The following RBFOX1 variants were observed in gnomAD, a reference collection of about 807,000 sequenced individuals.
RBFOX1 encodes the protein RNA binding protein fox-1 homolog 1.
A neutral mutation model predicts 57.7 loss-of-function variants in RBFOX1; 8 were observed. That is an observed-to-expected ratio of 0.14 (90% CI 0.08 to 0.25). The LOEUF (loss-of-function observed/expected upper bound fraction) is 0.25, where lower values mean the gene tolerates loss of function less well. RBFOX1 is among the 10% of genes least tolerant of loss of function. The pLI is 1.00. For synonymous variants in RBFOX1, 326 were observed against 222.4 expected (o/e 1.47, Z -4.15); for missense variants, 611 against 548.5 (o/e 1.11, Z -1.14).
intron 12 of RBFOX1, among the ~76,000 whole-genome samples, chr16:7,658,793 C>G (rs2066961455): frequency 6.6e-6 from 1 of 152,194 alleles, no homozygotes; most frequent in Non-Finnish European, 1.5e-5. Context: ...GGTACAATCT[C>G]TGCTCACTGC....
At chr16:7,486,770 C>G (rs1014240313) in intron 4 of RBFOX1, among the ~76,000 whole-genome samples, 3 of 152,190 alleles carry the variant, frequency 2.0e-5, no homozygotes, top group African/African-American at 7.2e-5. Context: ...CAGGCCGTTA[C>G]TAGGAGACAA....
chr16:5,815,245 C>T (rs749059784), intron 3 of RBFOX1, among the ~76,000 whole-genome samples: 6 of 147,028 alleles, frequency 4.1e-5, no homozygotes, highest in Non-Finnish European at 7.4e-5. Flanking sequence ...CCTCCTGTCT[C>T]AGCCTCCCAA....
chr16:6,726,496 C>A (rs771005678), intron 3 of RBFOX1, among the ~76,000 whole-genome samples: 1 of 151,404 alleles, frequency 6.6e-6, no homozygotes, highest in Non-Finnish European at 1.5e-5. Flanking sequence ...GTGGAACTAT[C>A]ACTAGATAAA....
Position 7,310,534 on chromosome 16 carries a change from G to T in RBFOX1, c.28-207613G>T, listed in dbSNP as rs150576534. On this transcript the variant is annotated intron_variant, in intron 4 of 15. Coordinates refer to ENST00000550418, the MANE Select transcript of RBFOX1 (RefSeq NM_018723.4). ...TGTTTTATCAAAACTTCATCAAGGGGCATACTTATTAACATGGAAATAATT... is the reference window on the plus strand; with the variant it reads ...TGTTTTATCAAAACTTCATCAAGGGTCATACTTATTAACATGGAAATAATT... Among the ~76,000 whole-genome samples, 416 of 152,184 alleles carry T rather than the reference G, an allele frequency of 2.7e-3. 13 individuals are homozygous for T. Among genetic ancestry groups the T allele is most frequent in the Admixed American group, 0.024 (372 of 15,290 alleles).
intron 4 of RBFOX1, among the ~76,000 whole-genome samples, chr16:7,073,084 T>C (rs747542581): frequency 3.3e-5 from 5 of 152,170 alleles, no homozygotes; most frequent in Non-Finnish European, 5.9e-5. Context: ...AGGTATTCAG[T>C]TGAGACTCCA....
chr16:6,182,135 C>G (rs914888501), intron 1 of RBFOX1, among the ~76,000 whole-genome samples: 1 of 152,142 alleles, frequency 6.6e-6, no homozygotes, highest in Admixed American at 6.5e-5. Context: ...GCCACTCATT[C>G]TTTGGAGATC....
At chr16:7,277,813 A>G (rs969832495) in intron 4 of RBFOX1, among the ~76,000 whole-genome samples, 10 of 152,202 alleles carry the variant, frequency 6.6e-5, no homozygotes, top group African/African-American at 2.4e-4. Context: ...AAATTAGCAT[A>G]TTAGTTAACA....
chr16:7,233,977 G>T (rs1203458164), intron 4 of RBFOX1, among the ~76,000 whole-genome samples: 3 of 152,174 alleles, frequency 2.0e-5, no homozygotes, highest in African/African-American at 4.8e-5. Flanking sequence ...AGAAGTGAAT[G>T]AGCTTAATTC....
intron 1 of RBFOX1, among the ~76,000 whole-genome samples, chr16:6,258,779 A>T (rs2097684201): frequency 6.6e-6 from 1 of 152,220 alleles, no homozygotes; most frequent in African/African-American, 2.4e-5. Flanking sequence ...TGTTTGCAAC[A>T]CAAGGGATGC....
chr16:6,694,326 T>C (rs1445927677), intron 3 of RBFOX1, among the ~76,000 whole-genome samples: 2 of 152,336 alleles, frequency 1.3e-5, no homozygotes, highest in South Asian at 4.1e-4. Context: ...TAAGAGATTA[T>C]CTGGCATTTG....
chr16:5,495,271 C>G (rs1176833094), intron 2 of RBFOX1, among the ~76,000 whole-genome samples: 1 of 152,218 alleles, frequency 6.6e-6, no homozygotes, highest in Non-Finnish European at 1.5e-5. Context: ...CCTAGCAAAA[C>G]TTTGGATACC....
intron 3 of RBFOX1, among the ~76,000 whole-genome samples, chr16:5,641,851 G>C (rs553836529): frequency 6.6e-6 from 1 of 152,192 alleles, no homozygotes; most frequent in Non-Finnish European, 1.5e-5. Flanking sequence ...TCACAGAGCA[G>C]GGGCCATTTG....
intron 3 of RBFOX1, among the ~76,000 whole-genome samples, chr16:6,698,465 C>T (rs2061366096): frequency 6.6e-6 from 1 of 152,178 alleles, no homozygotes; most frequent in Non-Finnish European, 1.5e-5. Flanking sequence ...GCAAATCAAT[C>T]CTGTCATTAT....
chr16:7,525,281 A>C (rs1852100721), intron 5 of RBFOX1, among the ~76,000 whole-genome samples: 1 of 152,096 alleles, frequency 6.6e-6, no homozygotes, highest in African/African-American at 2.4e-5. Flanking sequence ...TTAGGGGTTC[A>C]GTCATTATTT....
At chr16:6,293,572 G>T (rs560404322) in intron 1 of RBFOX1, among the ~76,000 whole-genome samples, 4 of 152,282 alleles carry the variant, frequency 2.6e-5, no homozygotes, top group Non-Finnish European at 5.9e-5. Flanking sequence ...AGAGGGGCAA[G>T]CAATAAACAT....
intron 1 of RBFOX1, among the ~76,000 whole-genome samples, chr16:5,290,414 G>C (rs1430239521): frequency 1.3e-5 from 2 of 152,114 alleles, no homozygotes; most frequent in African/African-American, 4.8e-5. Flanking sequence ...CCTGCTAATG[G>C]ATACAGGGTT....
intron 3 of RBFOX1, among the ~76,000 whole-genome samples, chr16:6,706,931 T>A (rs1264387466): frequency 3.3e-5 from 5 of 152,176 alleles, no homozygotes; most frequent in African/African-American, 1.2e-4. Context: ...ACAAGCTGTA[T>A]AGTCACTTAA....
At chr16:7,482,601 G>A (rs2064282100) in intron 4 of RBFOX1, among the ~76,000 whole-genome samples, 1 of 138,696 alleles carries the variant, frequency 7.2e-6, no homozygotes, top group African/African-American at 2.8e-5. Flanking sequence ...GCCTAGCCTC[G>A]GGTACACAAA....
chr16:7,365,127 C>G (rs1223373384), intron 4 of RBFOX1, among the ~76,000 whole-genome samples: 1 of 152,176 alleles, frequency 6.6e-6, no homozygotes, highest in Non-Finnish European at 1.5e-5. Context: ...CATATACAAC[C>G]TCATGATGGA....
Sources: allele counts gnomAD v4.1 joint callset (sites outside exome capture counted in the v4.1 genomes callset), GRCh38; gene constraint gnomAD v4.1.1; transcripts MANE v1.5; gene names NCBI Gene and HGNC (gene_info 2026-07-23, HGNC 2026-07-21).